Variants in SIX3 observed in about 807,000 individuals in gnomAD.
SIX3 encodes the protein homeobox protein SIX3.
Under a neutral mutation model 21.7 loss-of-function variants are expected in SIX3, and 2 were observed. The observed-to-expected ratio is 0.09, with a 90% confidence interval of 0.04 to 0.29. SIX3 has a LOEUF of 0.29. Ranked by LOEUF, SIX3 falls within the 10% of genes least tolerant of loss-of-function variation. The probability of loss-of-function intolerance (pLI) is 1.00; values close to 1 mark genes in which losing one functional copy is unlikely to be tolerated. For synonymous variants in SIX3, 243 were observed against 220.6 expected (o/e 1.10, Z -0.90); for missense variants, 347 against 480.7 (o/e 0.72, Z 2.60).
In SIX3 at chr2:44,944,930, C is replaced by T; in HGVS notation, c.*170C>T. 1 of 643,904 alleles carries T rather than the reference C, an allele frequency of 1.6e-6. No homozygotes were observed. The highest frequency in any genetic ancestry group is 2.7e-6 in the Non-Finnish European group (1 of 365,938). 39.9% of individuals were successfully genotyped at this position (643,904 alleles called of 1,614,324 possible). ...ATACAAGTCCACACACACTCCCACC[C>T]CAGCCAAAAATATATAAAAAACAAG... On this transcript the variant is annotated 3_prime_UTR_variant, in exon 2 of 2. Coordinates refer to ENST00000260653, the MANE Select transcript of SIX3 (RefSeq NM_005413.4).
Position 44,944,575 on chromosome 2 carries a change from C to A in SIX3, c.814C>A (p.His272Asn), listed in dbSNP as rs1344878849. ...GATCTCTTTCTCCCGCAGGCTCCAG[C>A]ACCAGGCCATTGGACCGAGCGGCAT... ...RAAAAKNRLQ[H>N]QAIGPSGMRS... Residue 272 changes from histidine (H) to asparagine (N), a missense_variant, in exon 2 of 2, where the codon CAC becomes AAC. Transcript: ENST00000260653. The A allele has an allele frequency of 6.3e-7, 1 of 1,576,250 alleles. No homozygotes were observed. The highest frequency in any genetic ancestry group is 8.6e-7 in the Non-Finnish European group (1 of 1,168,152).
At position 44,945,028 on chromosome 2, in the gene SIX3, C is replaced by T. The variant is rs910095138; in HGVS notation, c.*268C>T. On this transcript the variant is annotated 3_prime_UTR_variant, in exon 2 of 2. Coordinates refer to ENST00000260653, the MANE Select transcript of SIX3 (RefSeq NM_005413.4). ...TACCACTACGGCCACCCCAAAGGACCCCGACGCCAACAGACAGTCAAACGC... is the reference window on the plus strand; with the variant it reads ...TACCACTACGGCCACCCCAAAGGACTCCGACGCCAACAGACAGTCAAACGC... 3.6e-6 allele frequency: 2 copies of T among 557,804 alleles called. No individual in the cohort carries two copies. Among genetic ancestry groups the T allele is most frequent in the Admixed American group, 3.2e-5 (1 of 31,694 alleles). 34.6% of individuals were successfully genotyped at this position (557,804 alleles called of 1,614,324 possible). A position where few individuals can be genotyped will look rare whatever the true frequency, so the allele number is the denominator to read the frequency against.
intron 1 of SIX3, 102 bp downstream of exon 1, chr2:44,943,012 C>T: frequency 6.8e-7 from 1 of 1,467,128 alleles, no homozygotes; most frequent in Non-Finnish European, 9.0e-7. Flanking sequence ...GCCAGGGAAG[C>T]CGTGACTCCT....
chr2:44,943,203 C>A (rs984580199), intron 1 of SIX3, among the ~76,000 whole-genome samples: 1 of 152,240 alleles, frequency 6.6e-6, no homozygotes, highest in Non-Finnish European at 1.5e-5. Flanking sequence ...GTGCCTGCCT[C>A]CTCAGCCCTG....
intron 1 of SIX3, 128 bp from the exon 2 acceptor site, chr2:44,944,440 C>T: frequency 3.6e-6 from 4 of 1,113,334 alleles, no homozygotes; most frequent in East Asian, 2.6e-5. Flanking sequence ...TTCTGCCTCT[C>T]CTCCGAGGCC....
At position 44,941,872 on chromosome 2, in the gene SIX3, T is replaced by C; in HGVS notation, c.-233T>C. On this transcript the variant is annotated 5_prime_UTR_variant, in exon 1 of 2. Coordinates refer to ENST00000260653, the MANE Select transcript of SIX3 (RefSeq NM_005413.4). The stretch of plus-strand genomic sequence containing the variant: ...TCTGCGCGCGCGCACCGGGCCGCTC[T>C]CCTACCTCCCTCTCTATGTGGCTGC... 2.3e-6 allele frequency: 1 copy of C among 428,500 alleles called. No homozygotes were observed. Among genetic ancestry groups the C allele is most frequent in the Non-Finnish European group, 4.4e-6 (1 of 228,998 alleles). 26.5% of individuals were successfully genotyped at this position (428,500 alleles called of 1,614,324 possible).
In SIX3 at chr2:44,942,266, G is replaced by T. The variant is rs926903553; in HGVS notation, c.162G>T (p.Ala54=). ...AGGGSGGGNG[A]GGGGAGGAGG... Reference sequence around the variant, plus strand: ...GCGGCAGCGGCGGCGGGAACGGTGCGGGAGGCGGCGGTGCTGGCGGAGCAG... The same window carrying T: ...GCGGCAGCGGCGGCGGGAACGGTGCTGGAGGCGGCGGTGCTGGCGGAGCAG... Residue 54 remains alanine (A), a synonymous_variant, in exon 1 of 2, where the codon GCG becomes GCT. Coordinates refer to ENST00000260653, the MANE Select transcript of SIX3 (RefSeq NM_005413.4). This position sits in a 1 kb window ranked among gnomAD's most constrained non-coding sequence, Gnocchi z 8.4. 1.9e-6 allele frequency: 3 copies of T among 1,539,064 alleles called. No homozygotes were observed. The South Asian group carries it at 3.6e-5, about 18-fold the overall frequency.
In SIX3 at chr2:44,944,420, C is replaced by T. The variant is rs1221234630; in HGVS notation, c.807-148C>T. ...TTGCACCCAGGCCTCCCCAAGCGGCCGGGCTCGGGTTCTGCCTCTCCTCCG... is the reference window on the plus strand; with the variant it reads ...TTGCACCCAGGCCTCCCCAAGCGGCTGGGCTCGGGTTCTGCCTCTCCTCCG... On this transcript the variant is annotated intron_variant, in intron 1 of 1. Coordinates refer to ENST00000260653, the MANE Select transcript of SIX3 (RefSeq NM_005413.4). 1.1e-5 allele frequency: 10 copies of T among 900,002 alleles called. No individual in the cohort carries two copies. In the African/African-American group the frequency reaches 1.2e-4, roughly 10 times the overall value. The allele number at this position is 900,002 out of a possible 1,614,324, so 55.8% of individuals were successfully genotyped here.
rs374110392 is a variant in SIX3 at position 44,942,179 on chromosome 2, C to T, written c.75C>T (p.Arg25=). The T allele has an allele frequency of 2.5e-5, 40 of 1,598,048 alleles. No homozygotes were observed. Among genetic ancestry groups the T allele is most frequent in the Non-Finnish European group, 3.4e-5 (40 of 1,179,278 alleles). The part of the protein sequence containing the change: ...LLPNFADSHH[R]SILLASSGGG... ...CAAACTTCGCCGATTCTCACCACCG[C>T]TCCATACTTCTGGCGAGTAGCGGCG... is the stretch of plus-strand genomic sequence containing the variant. The change falls in exon 1 of 2, where the codon CGC becomes CGT. Residue 25 remains arginine (R), a synonymous_variant. Transcript: ENST00000260653. This position sits in a 1 kb window ranked among gnomAD's most constrained non-coding sequence, Gnocchi z 8.4.
intron 1 of SIX3, among the ~76,000 whole-genome samples, chr2:44,943,854 G>T (rs1042107857): frequency 6.6e-6 from 1 of 152,206 alleles, no homozygotes; most frequent in Non-Finnish European, 1.5e-5. Flanking sequence ...GGTGGGGGCT[G>T]GGTGTGAGTT....
At chr2:44,944,513 G>C in intron 1 of SIX3, 55 bp from the exon 2 acceptor site, 1 of 1,516,960 alleles carries the variant, frequency 6.6e-7, no homozygotes, top group Non-Finnish European at 8.8e-7. Context: ...CGGCGCGGGG[G>C]AGCCGGGTGG....
Position 44,945,586 on chromosome 2 carries a change from G to A in SIX3, c.*826G>A, listed in dbSNP as rs924802820. The A allele has an allele frequency of 6.6e-6, 1 of 152,102 alleles. No individual in the cohort carries two copies. Among genetic ancestry groups the A allele is most frequent in the Non-Finnish European group, 1.5e-5 (1 of 68,006 alleles). The allele number at this position is 152,102 out of a possible 1,614,324, so 9.4% of individuals were successfully genotyped here. On this transcript the variant is annotated 3_prime_UTR_variant, in exon 2 of 2. Coordinates refer to ENST00000260653, the MANE Select transcript of SIX3 (RefSeq NM_005413.4). ...GCCTGTGTGGGTACTGGTTATAAATGTGGAAAAAGAATAGTTATGACTGTA... is the reference window on the plus strand; with the variant it reads ...GCCTGTGTGGGTACTGGTTATAAATATGGAAAAAGAATAGTTATGACTGTA...
In SIX3 at chr2:44,942,750, C is replaced by A. The variant is rs749066323; in HGVS notation, c.646C>A (p.Arg216=). Reference sequence around the variant, plus strand: ...GCAGAAGACGCATTGCTTCAAGGAGCGGACTCGGAGCCTGTTGCGGGAGTG... The same window carrying A: ...GCAGAAGACGCATTGCTTCAAGGAGAGGACTCGGAGCCTGTTGCGGGAGTG... ...GEQKTHCFKE[R]TRSLLREWYL... The change falls in exon 1 of 2, where the codon CGG becomes AGG. Residue 216 remains arginine (R), a synonymous_variant. Coordinates refer to ENST00000260653, the MANE Select transcript of SIX3 (RefSeq NM_005413.4). The surrounding 1 kb of genome is among the most constrained non-coding windows in gnomAD (Gnocchi z 8.4). The A allele has an allele frequency of 1.2e-6, 2 of 1,601,136 alleles. No individual in the cohort carries two copies. The highest frequency in any genetic ancestry group is 3.3e-5 in the Admixed American group (2 of 60,012).
chr2:44,943,530 G>A (rs984696038), intron 1 of SIX3, among the ~76,000 whole-genome samples: 1 of 152,228 alleles, frequency 6.6e-6, no homozygotes, highest in Non-Finnish European at 1.5e-5. Context: ...TGTTTCAGCC[G>A]AGGAGAATCC....
chr2:44,944,549 G>T lies in SIX3; in HGVS notation c.807-19G>T. 1.3e-6 allele frequency: 2 copies of T among 1,561,138 alleles called. No individual in the cohort carries two copies. Among genetic ancestry groups the T allele is most frequent in the Non-Finnish European group, 1.7e-6 (2 of 1,160,570 alleles). ...CGGGCCTCTGTGTCAGGGCGGGCGCGGATCTCTTTCTCCCGCAGGCTCCAG... is the reference window on the plus strand; with the variant it reads ...CGGGCCTCTGTGTCAGGGCGGGCGCTGATCTCTTTCTCCCGCAGGCTCCAG... On this transcript the variant is annotated intron_variant, in intron 1 of 1. Coordinates refer to ENST00000260653, the MANE Select transcript of SIX3 (RefSeq NM_005413.4).
chr2:44,944,290 G>T (rs760612988), intron 1 of SIX3, among the ~76,000 whole-genome samples: 10 of 152,232 alleles, frequency 6.6e-5, no homozygotes, highest in Non-Finnish European at 1.3e-4. Context: ...TCGACCGGTC[G>T]CGGGGCAGCC....
At chr2:44,944,426 C>A in intron 1 of SIX3, 142 bp from the exon 2 acceptor site, 2 of 959,986 alleles carry the variant, frequency 2.1e-6, no homozygotes, top group African/African-American at 1.6e-5. Context: ...CGGCCGGGCT[C>A]GGGTTCTGCC....
In SIX3 at chr2:44,941,901, G is replaced by GGT. The variant is rs142044497; in HGVS notation, c.-190_-189dup. On this transcript the variant is annotated 5_prime_UTR_variant, in exon 1 of 2. The change abolishes the stop of an existing upstream ORF in the 5' untranslated region. Transcript: ENST00000260653. ...ACCTCCCTCTCTATGTGGCTGCGCG[G>GGT]GTGTGTGTGTGTGTGGATGTGTGTG... 1,980 of 466,150 alleles carry GGT rather than the reference G, an allele frequency of 4.2e-3. No individual in the cohort carries two copies. The highest frequency in any genetic ancestry group is 6.1e-3 in the South Asian group (248 of 40,950). The allele number at this position is 466,150 out of a possible 1,614,324, so 28.9% of individuals were successfully genotyped here. A position where few individuals can be genotyped will look rare whatever the true frequency, so the allele number is the denominator to read the frequency against.
At position 44,941,768 on chromosome 2, in the gene SIX3, G is replaced by C. The variant is rs1666572993; in HGVS notation, c.-337G>C. 9.6e-6 allele frequency: 3 copies of C among 312,504 alleles called. No individual in the cohort carries two copies. The highest frequency in any genetic ancestry group is 1.9e-5 in the Non-Finnish European group (3 of 161,182). The allele number at this position is 312,504 out of a possible 1,614,324, so 19.4% of individuals were successfully genotyped here. ...TCATTAGGGCGATTGCGGTGGAATC[G>C]CTGAATCTTGACTCGGCGGTGGTTG... On this transcript the variant is annotated 5_prime_UTR_variant, in exon 1 of 2. Transcript: ENST00000260653.
Sources: allele counts gnomAD v4.1 joint callset (sites outside exome capture counted in the v4.1 genomes callset), GRCh38; gene constraint gnomAD v4.1.1; non-coding constraint Gnocchi (gnomAD v3.1); transcripts MANE v1.5; gene names NCBI Gene and HGNC (gene_info 2026-07-23, HGNC 2026-07-21).